Variants in DUSP22 observed in about 807,000 individuals in gnomAD.
DUSP22 encodes dual specificity protein phosphatase 22.
In DUSP22, 24 loss-of-function variants were observed where a neutral mutation model predicts 24.5. The observed-to-expected ratio is 0.98, with a 90% CI of 0.71 to 1.38. The LOEUF (loss-of-function observed/expected upper bound fraction) is 1.38. Ranked by LOEUF, DUSP22 falls within the 40% of genes most tolerant of loss-of-function variation. The probability of loss-of-function intolerance (pLI) is 0.00; values close to 1 mark genes in which losing one functional copy is unlikely to be tolerated. For synonymous variants in DUSP22, 160 were observed against 106.4 expected, an observed-to-expected ratio of 1.50 and a Z score of -3.10; for missense variants, 330 against 269.2, an observed-to-expected ratio of 1.23 and a Z score of -1.58.
At chr6:308,537 G>C (rs958528845) in intron 2 of DUSP22, among the ~76,000 whole-genome samples, 4 of 152,302 alleles carry the variant, frequency 2.6e-5, no homozygotes, top group African/African-American at 7.2e-5. Flanking sequence ...TGCTGGCCCC[G>C]GAGTGCTTCC....
At chr6:326,388 C>T (rs1451487733) in intron 3 of DUSP22, among the ~76,000 whole-genome samples, 1 of 133,238 alleles carries the variant, frequency 7.5e-6, no homozygotes, top group African/African-American at 2.9e-5. Flanking sequence ...AGTCATCTGC[C>T]CTGGGCTTCC....
At chr6:324,232 C>T (rs1205132543) in intron 3 of DUSP22, among the ~76,000 whole-genome samples, 1 of 152,302 alleles carries the variant, frequency 6.6e-6, no homozygotes, top group African/African-American at 2.4e-5. Context: ...CATGTGGGCT[C>T]TGACCGAGGT....
At chr6:340,821 A>G (rs1238834892) in intron 4 of DUSP22, among the ~76,000 whole-genome samples, 2 of 152,308 alleles carry the variant, frequency 1.3e-5, no homozygotes, top group African/African-American at 4.8e-5. Flanking sequence ...GCAGGACAGG[A>G]CCATCTTAGA....
rs1416449388 is a variant in DUSP22 at position 335,799 on chromosome 6, G to C, written c.188+636G>C. Among the ~76,000 whole-genome samples the C allele has an allele frequency of 6.6e-5, 10 of 152,426 alleles. No individual in the cohort carries two copies. The East Asian group carries it at 1.9e-3, about 29-fold the overall frequency. On this transcript the variant is annotated intron_variant, in intron 4 of 6. Transcript: ENST00000419235. ...CAGGGCTTGAGAACCCCAGGAGGCT[G>C]GCGGCTGCCTTATGGGGCAGCATGC... is the stretch of plus-strand genomic sequence containing the variant.
chr6:342,324 G>A lies in DUSP22; in HGVS notation c.189-3530G>A, dbSNP rs532299869. Among the ~76,000 whole-genome samples, 84 of 152,404 alleles carry A rather than the reference G, an allele frequency of 5.5e-4. No homozygotes were observed. The South Asian group carries it at 0.013, about 23-fold the overall frequency. ...AGAGACCCACACAGAACAGACCAGC[G>A]TGGGCACAGCAGTCAGGGACAGCGT... On this transcript the variant is annotated intron_variant, in intron 4 of 6. Transcript: ENST00000419235.
At chr6:337,708 T>C (rs1422824396) in intron 4 of DUSP22, among the ~76,000 whole-genome samples, 1 of 152,418 alleles carries the variant, frequency 6.6e-6, no homozygotes, top group African/African-American at 2.4e-5. Flanking sequence ...GTCTGGACTT[T>C]TAGCGCATCC....
chr6:296,001 T>A (rs542477805), intron 1 of DUSP22, among the ~76,000 whole-genome samples: 4 of 147,202 alleles, frequency 2.7e-5, no homozygotes, highest in Non-Finnish European at 6.1e-5. Context: ...ATTTTGAAGA[T>A]AGGAAAAGTC....
At chr6:323,918 A>G (rs1217957327) in intron 3 of DUSP22, among the ~76,000 whole-genome samples, 1 of 152,304 alleles carries the variant, frequency 6.6e-6, no homozygotes, top group Non-Finnish European at 1.5e-5. Flanking sequence ...TCTCCTTTAC[A>G]TGATTGTCAG....
Position 351,069 on chromosome 6 carries a change from A to C in DUSP22, c.*2118A>C. ...GAGAAAATATTTTCCCCTTATCCCC[A>C]CTGCTGTGGAGGTTTCTGTACCTCG... On this transcript the variant is annotated 3_prime_UTR_variant, in exon 7 of 7. Coordinates refer to ENST00000419235, the MANE Select transcript of DUSP22 (RefSeq NM_001286555.3). The C allele has an allele frequency of 1.2e-6, 1 of 820,302 alleles. No individual in the cohort carries two copies. The allele number at this position is 820,302 out of a possible 1,614,324, so 50.8% of individuals were successfully genotyped here. A position where few individuals can be genotyped will look rare whatever the true frequency, so the allele number is the denominator to read the frequency against.
intron 1 of DUSP22, among the ~76,000 whole-genome samples, chr6:302,656 C>G (rs1283398844): frequency 6.6e-6 from 1 of 152,308 alleles, no homozygotes; most frequent in African/African-American, 2.4e-5. Context: ...GATACGTTCT[C>G]TGACTTTGGG....
At position 349,118 on chromosome 6, in the gene DUSP22, C is replaced by T; in HGVS notation, c.*167C>T. 1 of 1,444,064 alleles carries T rather than the reference C, an allele frequency of 6.9e-7. No individual in the cohort carries two copies. The highest frequency in any genetic ancestry group is 9.0e-7 in the Non-Finnish European group (1 of 1,105,696). The allele number at this position is 1,444,064 out of a possible 1,614,324, so 89.5% of individuals were successfully genotyped here. A position where few individuals can be genotyped will look rare whatever the true frequency, so the allele number is the denominator to read the frequency against. ...CACCGCCCAGCCCTGCTCCAGGCCC[C>T]TGCACTCCGCCCACCCCTACCCTGG... is the stretch of plus-strand genomic sequence containing the variant. On this transcript the variant is annotated 3_prime_UTR_variant, in exon 7 of 7. Transcript: ENST00000419235.
chr6:343,462 A>C (rs1204932506), intron 4 of DUSP22, among the ~76,000 whole-genome samples: 1 of 152,086 alleles, frequency 6.6e-6, no homozygotes, highest in African/African-American at 2.4e-5. Context: ...TGGCCCCCCA[A>C]GGGTGCCAAG....
intron 1 of DUSP22, 29 bp downstream of exon 1, chr6:292,589 T>G: frequency 6.3e-7 from 1 of 1,590,036 alleles, no homozygotes; most frequent in Non-Finnish European, 8.6e-7. Flanking sequence ...CGCGCTGGGT[T>G]TGCCTCCGCT....
chr6:306,092 A>C (rs576986306), intron 2 of DUSP22, among the ~76,000 whole-genome samples: 1 of 152,308 alleles, frequency 6.6e-6, no homozygotes, highest in Admixed American at 6.5e-5. Context: ...TAAGCTTTGT[A>C]GTTCTGAAAA....
chr6:295,600 C>T (rs1757286920), intron 1 of DUSP22, among the ~76,000 whole-genome samples: 3 of 152,138 alleles, frequency 2.0e-5, no homozygotes, highest in South Asian at 4.1e-4. Context: ...CATGGCAAAA[C>T]CCTGTTTCTA....
chr6:343,565 T>C (rs865997837), intron 4 of DUSP22, among the ~76,000 whole-genome samples: 34 of 152,318 alleles, frequency 2.2e-4, no homozygotes, highest in Middle Eastern at 6.8e-3. Flanking sequence ...GCAGATGTGC[T>C]AGTTAGAGAT....
intron 3 of DUSP22, among the ~76,000 whole-genome samples, chr6:312,726 A>G (rs924596993): frequency 1.2e-4 from 19 of 152,412 alleles, no homozygotes; most frequent in Non-Finnish European, 2.5e-4. Flanking sequence ...GGCTGTTTTC[A>G]TTTAAATTTA....
chr6:293,797 CT>C (rs11436850), intron 1 of DUSP22, among the ~76,000 whole-genome samples: 4,994 of 123,526 alleles, frequency 0.04, 12 homozygotes, highest in African/African-American at 0.069. Context: ...ATTGTATTCA[CT>C]TTTTTTTTTT....
At position 349,008 on chromosome 6, in the gene DUSP22, C is replaced by A; in HGVS notation, c.*57C>A. The A allele has an allele frequency of 6.5e-7, 1 of 1,545,444 alleles. No individual in the cohort carries two copies. The highest frequency in any genetic ancestry group is 2.0e-5 in the Admixed American group (1 of 50,794). ...CTTGTCTTCAGTGTGCCCGGCTGGG[C>A]AGGGGTGCGGTGGTGGTGGCCGATG... On this transcript the variant is annotated 3_prime_UTR_variant, in exon 7 of 7. Transcript: ENST00000419235.
Sources: allele counts gnomAD v4.1 joint callset (sites outside exome capture counted in the v4.1 genomes callset), GRCh38; gene constraint gnomAD v4.1.1; transcripts MANE v1.5; gene names NCBI Gene and HGNC (gene_info 2026-07-23, HGNC 2026-07-21).